ADAMTS17: variants seen among roughly 807,000 people sequenced by gnomAD.
ADAMTS17 encodes the protein ADAM metallopeptidase with thrombospondin type 1 motif 17.
ADAMTS17 carries 113 observed loss-of-function variants against 141.5 expected under a neutral mutation model. The observed-to-expected ratio is 0.80, with a 90% confidence interval of 0.69 to 0.93. The LOEUF (loss-of-function observed/expected upper bound fraction) is 0.93. Among genes scored for constraint, ADAMTS17 ranks in the 40% least tolerant of loss-of-function variants. The probability of loss-of-function intolerance (pLI) is 0.00; values close to 1 mark genes in which losing one functional copy is unlikely to be tolerated. For synonymous variants in ADAMTS17, 768 were observed against 630.6 expected (o/e 1.22, Z -3.27); for missense variants, 1,659 against 1,517.9 (o/e 1.09, Z -1.54).
intron 8 of ADAMTS17, among the ~76,000 whole-genome samples, chr15:100,158,209 T>A (rs1241820287): frequency 6.6e-6 from 1 of 152,192 alleles, no homozygotes; most frequent in East Asian, 1.9e-4. Flanking sequence ...TAAAGTGAGT[T>A]CTATTTTTTC....
rs373356601 is a variant in ADAMTS17, at chr15:100,070,387, T to C, written c.2138-16333A>G. On this transcript the variant is annotated intron_variant, in intron 15 of 21. Coordinates refer to ENST00000268070, the MANE Select transcript of ADAMTS17 (RefSeq NM_139057.4). ...GAATTGAACTCAGCTCTGCACCAAG[T>C]GGACCTAATAGACATCTATAGAACT... Among the ~76,000 whole-genome samples the C allele has an allele frequency of 1.7e-4, 26 of 150,018 alleles. 1 individual carries two copies. In the South Asian group the frequency reaches 4.6e-3, roughly 27 times the overall value.
intron 15 of ADAMTS17, among the ~76,000 whole-genome samples, chr15:100,073,477 G>A (rs529122257): frequency 4.9e-4 from 74 of 151,858 alleles, no homozygotes; most frequent in African/African-American, 1.6e-3. Context: ...TGTTTATTGC[G>A]GCACTATTCA....
chr15:100,281,802 G>A (rs75172502), intron 3 of ADAMTS17, among the ~76,000 whole-genome samples: 1,700 of 152,334 alleles, frequency 0.011, 16 homozygotes, highest in Non-Finnish European at 0.017. Context: ...ACTGGACCAA[G>A]GAAGCTGGGC....
intron 7 of ADAMTS17, among the ~76,000 whole-genome samples, chr15:100,204,476 G>C (rs1489214605): frequency 6.6e-6 from 1 of 152,212 alleles, no homozygotes; most frequent in Non-Finnish European, 1.5e-5. Context: ...ACAAGTCCTT[G>C]TGTTCTTGCA....
intron 4 of ADAMTS17, among the ~76,000 whole-genome samples, chr15:100,276,411 GGGTGGGAGGGTGTGGGTGCCT>G (rs2044092537): frequency 1.8e-5 from 1 of 56,752 alleles, no homozygotes; most frequent in Non-Finnish European, 3.6e-5. Context: ...CCTGGTGGGA[GGGTGGGAGGGTGTGGGTGCCT>G]GGTGGGAGGG....
intron 3 of ADAMTS17, among the ~76,000 whole-genome samples, chr15:100,324,245 C>T (rs922955726): frequency 6.6e-5 from 10 of 151,922 alleles, no homozygotes; most frequent in African/African-American, 2.4e-4. Context: ...ACAGATTTTG[C>T]AGTGAGCCGA....
chr15:100,153,887 A>G (rs1389470278), intron 9 of ADAMTS17, among the ~76,000 whole-genome samples: 1 of 151,778 alleles, frequency 6.6e-6, no homozygotes, highest in Non-Finnish European at 1.5e-5. Context: ...GCAAATAAAA[A>G]CACCTGATCT....
intron 17 of ADAMTS17, among the ~76,000 whole-genome samples, chr15:100,051,175 G>A (rs2032106999): frequency 6.6e-6 from 1 of 152,206 alleles, no homozygotes; most frequent in African/African-American, 2.4e-5. Flanking sequence ...TGAGGTGACT[G>A]TGGCCAAGAG....
intron 7 of ADAMTS17, among the ~76,000 whole-genome samples, chr15:100,217,524 G>A (rs531398114): frequency 3.9e-5 from 6 of 152,168 alleles, no homozygotes; most frequent in Admixed American, 6.5e-5. Context: ...GCTTGAATCC[G>A]GGAGGCGGAG....
At chr15:100,110,914 C>G (rs897574279) in intron 13 of ADAMTS17, among the ~76,000 whole-genome samples, 1 of 152,154 alleles carries the variant, frequency 6.6e-6, no homozygotes, top group Non-Finnish European at 1.5e-5. Context: ...TAAACCACCC[C>G]TGTGTTCAGT....
In ADAMTS17 at chr15:100,327,058, A is replaced by AT. The variant is rs540774425; in HGVS notation, c.616+3830dup. ...AACCCATTTATGCCAGAGGTTGCAC[A>AT]TTTTTTTTGTGAAAACTCAGACCTT... On this transcript the variant is annotated intron_variant, in intron 3 of 21. Coordinates refer to ENST00000268070, the MANE Select transcript of ADAMTS17 (RefSeq NM_139057.4). 3.9e-3 allele frequency among the ~76,000 whole-genome samples: 589 copies of AT among 152,120 alleles called. 3 individuals carry two copies. Among genetic ancestry groups the AT allele is most frequent in the African/African-American group, 0.013 (547 of 41,498 alleles).
intron 10 of ADAMTS17, among the ~76,000 whole-genome samples, chr15:100,141,900 T>A (rs1228893718): frequency 1.3e-5 from 2 of 152,222 alleles, no homozygotes; most frequent in Admixed American, 1.3e-4. Flanking sequence ...CAGCCTGGCA[T>A]GCAAGTCCAC....
chr15:100,266,015 G>A (rs1384982140), intron 4 of ADAMTS17, among the ~76,000 whole-genome samples: 1 of 152,198 alleles, frequency 6.6e-6, no homozygotes, highest in Admixed American at 6.5e-5. Context: ...CTGGTCACCA[G>A]AGAGAGGCTT....
chr15:100,176,566 A>G (rs1181810126), intron 8 of ADAMTS17, among the ~76,000 whole-genome samples: 2 of 152,326 alleles, frequency 1.3e-5, no homozygotes, highest in East Asian at 3.9e-4. Context: ...AACATTTTGG[A>G]TAACTACAGT....
chr15:100,279,991 T>TC lies in ADAMTS17; in HGVS notation c.789+1237dup, dbSNP rs945505100. 6.2e-4 allele frequency among the ~76,000 whole-genome samples: 94 copies of TC among 152,032 alleles called. 1 individual carries two copies. Among genetic ancestry groups the TC allele is most frequent in the African/African-American group, 2.2e-3 (90 of 41,486 alleles). On this transcript the variant is annotated intron_variant, in intron 4 of 21. Transcript: ENST00000268070. ...AACCTCCTCCCAGGTCGTTGCCCCATCCCCCCCAGGGCTGGTGCTCCATGG... is the reference window on the plus strand; with the variant it reads ...AACCTCCTCCCAGGTCGTTGCCCCATCCCCCCCCAGGGCTGGTGCTCCATGG...
At chr15:100,205,486 T>C (rs1290483611) in intron 7 of ADAMTS17, among the ~76,000 whole-genome samples, 2 of 152,142 alleles carry the variant, frequency 1.3e-5, no homozygotes, top group Non-Finnish European at 2.9e-5. Context: ...GAGAAGATGA[T>C]GCTCGTGTCA....
intron 18 of ADAMTS17, among the ~76,000 whole-genome samples, chr15:100,046,619 A>T (rs187015022): frequency 2.0e-5 from 3 of 152,342 alleles, no homozygotes; most frequent in East Asian, 1.9e-4. Context: ...TTCCCCAAAT[A>T]AATACTTTTA....
At chr15:99,984,033 G>T (rs2060533029) in intron 20 of ADAMTS17, among the ~76,000 whole-genome samples, 1 of 152,114 alleles carries the variant, frequency 6.6e-6, no homozygotes, top group South Asian at 2.1e-4. Flanking sequence ...TGCCGTCGCT[G>T]GGAAACAGGA....
chr15:100,127,447 A>G (rs1387719545), intron 12 of ADAMTS17, among the ~76,000 whole-genome samples: 1 of 152,216 alleles, frequency 6.6e-6, no homozygotes, highest in Non-Finnish European at 1.5e-5. Context: ...TGGAGTTTCA[A>G]GAAGGAAGCA....
Sources: gnomAD v4.1 joint callset for allele counts (sites outside exome capture counted in the v4.1 genomes callset) on GRCh38, gnomAD v4.1.1 for gene constraint, MANE v1.5 for transcripts, NCBI Gene and HGNC (gene_info 2026-07-23, HGNC 2026-07-21) for gene names.